Variants in VDAC1 observed in about 807,000 individuals in gnomAD.
VDAC1 encodes non-selective voltage-gated ion channel VDAC1.
In VDAC1, 10 loss-of-function variants were observed where a neutral mutation model predicts 34.7. That is an observed-to-expected ratio of 0.29 (90% CI 0.18 to 0.49). The LOEUF (loss-of-function observed/expected upper bound fraction) is 0.49. Among genes scored for constraint, VDAC1 ranks in the 20% least tolerant of loss-of-function variants. VDAC1 has a pLI of 0.99. For synonymous variants in VDAC1, 130 were observed against 136.0 expected, an observed-to-expected ratio of 0.96 and a Z score of 0.30; for missense variants, 230 against 347.9, an observed-to-expected ratio of 0.66 and a Z score of 2.69.
the VDAC1 span, among the ~76,000 whole-genome samples, chr5:134,051,570 T>C: frequency 1.3e-5 from 2 of 152,178 alleles, no homozygotes; most frequent in South Asian, 4.1e-4. Flanking sequence ...TGACACCATC[T>C]GTTCCATATC....
the VDAC1 span, among the ~76,000 whole-genome samples, chr5:134,102,765 GTT>G: frequency 5.3e-5 from 8 of 152,056 alleles, no homozygotes; most frequent in Non-Finnish European, 1.2e-4. Flanking sequence ...GGGTTTTCTG[GTT>G]TGTTTTACTT....
At chr5:134,006,954 A>T (rs1185951278), upstream of VDAC1, among the ~76,000 whole-genome samples, 1 of 151,652 alleles carries the variant, frequency 6.6e-6, no homozygotes, top group East Asian at 2.0e-4. Flanking sequence ...CATAAAGAGT[A>T]GGCACTCGGC....
At chr5:134,071,817 G>A in the VDAC1 span, among the ~76,000 whole-genome samples, 30 of 152,296 alleles carry the variant, frequency 2.0e-4, no homozygotes, top group South Asian at 2.3e-3. This position sits in a 1 kb window ranked among gnomAD's most constrained non-coding sequence, Gnocchi z 4.1. Flanking sequence ...CCTTGTGGGC[G>A]GACCTGGGGT....
chr5:134,018,654 A>G, the VDAC1 span, among the ~76,000 whole-genome samples: 1 of 152,150 alleles, frequency 6.6e-6, no homozygotes, highest in Non-Finnish European at 1.5e-5. Context: ...AAGCCCTTGC[A>G]ATGTCATGCC....
At chr5:134,102,483 A>G in the VDAC1 span, among the ~76,000 whole-genome samples, 1 of 152,184 alleles carries the variant, frequency 6.6e-6, no homozygotes, top group Non-Finnish European at 1.5e-5. Context: ...AGCCTGACCA[A>G]CATGGAGAAA....
At chr5:133,997,876 C>T (rs900305116) in intron 1 of VDAC1, among the ~76,000 whole-genome samples, 4 of 151,772 alleles carry the variant, frequency 2.6e-5, no homozygotes, top group Non-Finnish European at 5.9e-5. Flanking sequence ...CCACCCTGAC[C>T]AACATGGAGA....
the VDAC1 span, among the ~76,000 whole-genome samples, chr5:134,086,913 T>C: frequency 6.6e-6 from 1 of 152,206 alleles, no homozygotes; most frequent in Non-Finnish European, 1.5e-5. Flanking sequence ...GAGCGTTATC[T>C]GCACCATCAA....
the VDAC1 span, among the ~76,000 whole-genome samples, chr5:134,013,902 A>AG: frequency 6.6e-6 from 1 of 151,714 alleles, no homozygotes; most frequent in Non-Finnish European, 1.5e-5. Flanking sequence ...AGATCGTGCC[A>AG]CTGCACTCCA....
the VDAC1 span, among the ~76,000 whole-genome samples, chr5:134,055,792 AT>A: frequency 6.6e-6 from 1 of 151,660 alleles, no homozygotes; most frequent in African/African-American, 2.4e-5. Context: ...AACTATATAG[AT>A]TAAAAAGTGA....
the VDAC1 span, among the ~76,000 whole-genome samples, chr5:134,049,082 G>A: frequency 6.6e-6 from 1 of 152,188 alleles, no homozygotes; most frequent in Non-Finnish European, 1.5e-5. Flanking sequence ...TTACAGATGT[G>A]TAAACTTAGG....
chr5:134,099,060 G>A, the VDAC1 span, among the ~76,000 whole-genome samples: 19 of 152,284 alleles, frequency 1.2e-4, no homozygotes, highest in African/African-American at 3.4e-4. Context: ...GAGGAGAAAC[G>A]GAGACTCATA....
intron 1 of VDAC1, among the ~76,000 whole-genome samples, chr5:134,002,689 G>A (rs1224870088): frequency 6.6e-6 from 1 of 152,206 alleles, no homozygotes; most frequent in East Asian, 1.9e-4. Flanking sequence ...CCAGGACCGG[G>A]CATGGTGGCT....
chr5:134,114,301 C>T, the VDAC1 span, among the ~76,000 whole-genome samples: 1 of 152,102 alleles, frequency 6.6e-6, no homozygotes, highest in Admixed American at 6.5e-5. Context: ...CAGTTCAAAG[C>T]ACAGGGCGCA....
chr5:134,050,843 A>C, the VDAC1 span, among the ~76,000 whole-genome samples: 1 of 152,202 alleles, frequency 6.6e-6, no homozygotes, highest in Non-Finnish European at 1.5e-5. Flanking sequence ...GTGGGGATGG[A>C]AGCAGGGGCT....
the VDAC1 span, among the ~76,000 whole-genome samples, chr5:134,067,937 G>A: frequency 0.031 from 4,710 of 152,124 alleles, 81 homozygotes; most frequent in African/African-American, 0.041. Flanking sequence ...GGCCAACATG[G>A]TGAAACCCTG....
chr5:133,996,954 G>A (rs1300165310), intron 1 of VDAC1, among the ~76,000 whole-genome samples: 1 of 152,080 alleles, frequency 6.6e-6, no homozygotes, highest in African/African-American at 2.4e-5. Context: ...TCAGGCTGAG[G>A]AGACCAAGTG....
chr5:133,994,767 C>T (rs1753233419), intron 1 of VDAC1, among the ~76,000 whole-genome samples: 1 of 152,170 alleles, frequency 6.6e-6, no homozygotes, highest in Non-Finnish European at 1.5e-5. Context: ...ACAGGGTTAA[C>T]AAACCATCAG....
At chr5:134,114,492 C>T in the VDAC1 span, among the ~76,000 whole-genome samples, 1 of 152,088 alleles carries the variant, frequency 6.6e-6, no homozygotes, top group African/African-American at 2.4e-5. Flanking sequence ...AGAGTCTCTG[C>T]GTTTCGGGAG....
In VDAC1 at chr5:134,003,262, G is replaced by A. The variant is rs562748881; in HGVS notation, c.-7+1633C>T. Among the ~76,000 whole-genome samples, 170 of 152,284 alleles carry A rather than the reference G, an allele frequency of 1.1e-3. 1 individual carries two copies. The highest frequency in any genetic ancestry group is 3.4e-3 in the Middle Eastern group (1 of 294). On this transcript the variant is annotated intron_variant, in intron 1 of 8. Transcript: ENST00000265333. ...TAGGAGCTGAGTTGGTCCAGAGCTG[G>A]GGTGGGCAGAATGAAGGCTGGCCCT... is the stretch of plus-strand genomic sequence containing the variant.
Sources: gnomAD v4.1 joint callset for allele counts (sites outside exome capture counted in the v4.1 genomes callset) on GRCh38, gnomAD v4.1.1 for gene constraint, Gnocchi (gnomAD v3.1) non-coding constraint, MANE v1.5 for transcripts, NCBI Gene and HGNC (gene_info 2026-07-23, HGNC 2026-07-21) for gene names.